Variants in RYR2 observed in about 807,000 individuals in gnomAD.
The protein encoded by RYR2 is cardiac muscle ryanodine receptor-calcium release channel.
A neutral mutation model predicts 601.1 loss-of-function variants in RYR2; 227 were observed. The ratio of observed to expected loss-of-function variants is 0.38; its 90% confidence interval spans 0.34 to 0.42. The LOEUF (loss-of-function observed/expected upper bound fraction) is 0.42. RYR2 is among the 10% of genes least tolerant of loss of function. RYR2 has a pLI of 1.00. For synonymous variants in RYR2, 2,223 were observed against 2,175.1 expected (o/e 1.02, Z -0.61); for missense variants, 4,646 against 6,156.5 (o/e 0.75, Z 8.21).
intron 1 of RYR2, among the ~76,000 whole-genome samples, chr1:237,237,852 T>C (rs1299318863): frequency 6.6e-6 from 1 of 152,050 alleles, no homozygotes; most frequent in Non-Finnish European, 1.5e-5. Flanking sequence ...ATCTGCATAA[T>C]AAAAACCTTG....
chr1:237,209,029 T>C (rs1192198469), intron 1 of RYR2, among the ~76,000 whole-genome samples: 1 of 140,272 alleles, frequency 7.1e-6, no homozygotes, highest in African/African-American at 2.6e-5. Flanking sequence ...GAAAATTTTT[T>C]AAAAAGTTTA....
At chr1:237,182,037 C>A (rs1678818846) in intron 1 of RYR2, among the ~76,000 whole-genome samples, 1 of 152,108 alleles carries the variant, frequency 6.6e-6, no homozygotes, top group Non-Finnish European at 1.5e-5. Context: ...AACTATAAGA[C>A]ATTTGCTACA....
intron 1 of RYR2, among the ~76,000 whole-genome samples, chr1:237,155,654 T>C (rs1675245236): frequency 6.6e-6 from 1 of 152,222 alleles, no homozygotes; most frequent in African/African-American, 2.4e-5. Context: ...TGTTTCTAAA[T>C]GATTTAGTAG....
At chr1:237,326,625 T>A (rs1377199249) in intron 2 of RYR2, among the ~76,000 whole-genome samples, 3 of 152,236 alleles carry the variant, frequency 2.0e-5, no homozygotes, top group African/African-American at 7.2e-5. Context: ...ATATGAAAGT[T>A]CTCATGATTT....
intron 87 of RYR2, among the ~76,000 whole-genome samples, chr1:237,777,677 C>G (rs1035353622): frequency 2.6e-5 from 4 of 152,134 alleles, no homozygotes; most frequent in African/African-American, 9.7e-5. Context: ...TACAGCGGAT[C>G]CACCCTAGTA....
chr1:237,410,200 G>A (rs948636522), intron 10 of RYR2, among the ~76,000 whole-genome samples: 2 of 152,096 alleles, frequency 1.3e-5, no homozygotes, highest in African/African-American at 4.8e-5. Flanking sequence ...TTGTTATGTT[G>A]AAGAAACAAA....
chr1:237,156,487 A>G (rs1041817504), intron 1 of RYR2, among the ~76,000 whole-genome samples: 8 of 152,308 alleles, frequency 5.3e-5, no homozygotes, highest in Non-Finnish European at 8.8e-5. Flanking sequence ...AATGTTCCCA[A>G]AGCTATTAAT....
At chr1:237,143,429 T>A (rs1438489019) in intron 1 of RYR2, among the ~76,000 whole-genome samples, 2 of 152,204 alleles carry the variant, frequency 1.3e-5, no homozygotes, top group South Asian at 4.1e-4. Flanking sequence ...AACTCAACTT[T>A]GGAGGAGATT....
intron 1 of RYR2, among the ~76,000 whole-genome samples, chr1:237,061,809 T>C (rs1445720323): frequency 6.6e-6 from 1 of 152,166 alleles, no homozygotes; most frequent in Non-Finnish European, 1.5e-5. Flanking sequence ...GTGGTTTTTT[T>C]TTTGTATCTT....
chr1:237,232,665 C>T (rs10925345), intron 1 of RYR2, among the ~76,000 whole-genome samples: 8,302 of 152,192 alleles, frequency 0.055, 573 homozygotes, highest in East Asian at 0.23. Flanking sequence ...CAAGGCCCTA[C>T]GTCTGGACTG....
chr1:237,293,496 C>T (rs112643141), intron 2 of RYR2, among the ~76,000 whole-genome samples: 8,220 of 152,184 alleles, frequency 0.054, 452 homozygotes, highest in African/African-American at 0.14. Context: ...TGTGAGCCAC[C>T]GCACCCGGCC....
Position 237,379,617 on chromosome 1 carries a change from T to G in RYR2, c.576+2182T>G, listed in dbSNP as rs564377540. Among the ~76,000 whole-genome samples the G allele has an allele frequency of 3.9e-5, 6 of 152,274 alleles. No homozygotes were observed. The South Asian group carries it at 1.2e-3, about 32-fold the overall frequency. ...AAGTGATTTCCAAACTACATTTTAT[T>G]GTTTTTTTTATTTTATTTTATTTAT... On this transcript the variant is annotated intron_variant, in intron 8 of 104. Coordinates refer to ENST00000366574, the MANE Select transcript of RYR2 (RefSeq NM_001035.3).
At chr1:237,104,922 C>T (rs978854243) in intron 1 of RYR2, among the ~76,000 whole-genome samples, 2 of 152,200 alleles carry the variant, frequency 1.3e-5, no homozygotes, top group Non-Finnish European at 2.9e-5. Context: ...GATGAGTTTG[C>T]CACATTCCCT....
intron 79 of RYR2, among the ~76,000 whole-genome samples, chr1:237,736,480 T>C (rs1053190376): frequency 8.3e-5 from 12 of 144,526 alleles, no homozygotes; most frequent in African/African-American, 2.3e-4. Flanking sequence ...AAAAAAAAGA[T>C]AAAAGGATAA....
chr1:237,830,256 A>C, intron 102 of RYR2: 5 of 330,010 alleles, frequency 1.5e-5, no homozygotes, highest in Admixed American at 4.5e-5. Flanking sequence ...AGAGAAAGGA[A>C]GAGACGTTGC....
chr1:237,469,372 G>A (rs1269112216), intron 17 of RYR2, among the ~76,000 whole-genome samples, 185 bp downstream of exon 17: 4 of 151,496 alleles, frequency 2.6e-5, no homozygotes. Context: ...GTTTGAGGCT[G>A]TAGTGCACTA....
At position 237,651,396 on chromosome 1, in the gene RYR2, G is replaced by A. The variant is rs1682715436; in HGVS notation, c.7734-15G>A. 6.4e-7 allele frequency: 1 copy of A among 1,551,378 alleles called. No homozygotes were observed. The highest frequency in any genetic ancestry group is 8.8e-7 in the Non-Finnish European group (1 of 1,134,158). ...ACATTTCTTGGCATTATGAACATTA[G>A]CTTTGTTCCAACAGACAACTGAGAC... is the stretch of plus-strand genomic sequence containing the variant. On this transcript the variant is annotated splice_polypyrimidine_tract_variant and intron_variant, in intron 50 of 104. Transcript: ENST00000366574.
At chr1:237,501,043 G>T in intron 21 of RYR2, 140 bp downstream of exon 21, 1 of 793,588 alleles carries the variant, frequency 1.3e-6, no homozygotes. Flanking sequence ...TTTTGCCTGT[G>T]CCTTGAAGGA....
intron 1 of RYR2, among the ~76,000 whole-genome samples, chr1:237,243,561 T>G (rs999529909): frequency 6.6e-6 from 1 of 152,182 alleles, no homozygotes; most frequent in African/African-American, 2.4e-5. Flanking sequence ...CAGAAGCTCC[T>G]CAAACCAGGA....
Sources: gnomAD v4.1 joint callset for allele counts (sites outside exome capture counted in the v4.1 genomes callset) on GRCh38, gnomAD v4.1.1 for gene constraint, MANE v1.5 for transcripts, NCBI Gene and HGNC (gene_info 2026-07-23, HGNC 2026-07-21) for gene names.